Variants in TLK2 observed in about 807,000 individuals in gnomAD.
TLK2 encodes tousled like kinase 2.
TLK2 carries 6 observed loss-of-function variants against 117.3 expected under a neutral mutation model. That is an observed-to-expected ratio of 0.05 (90% CI 0.03 to 0.10). The LOEUF (loss-of-function observed/expected upper bound fraction) is 0.10, where lower values mean the gene tolerates loss of function less well. Ranked by LOEUF, TLK2 falls within the 10% of genes least tolerant of loss-of-function variation. The pLI, the probability that TLK2 is intolerant of heterozygous loss-of-function variation, is 1.00. For synonymous variants in TLK2, 257 were observed against 316.7 expected (o/e 0.81, Z 2.00); for missense variants, 299 against 901.2 (o/e 0.33, Z 8.56).
intron 15 of TLK2, 93 bp downstream of exon 15, chr17:62,580,285 G>A (rs776742023): frequency 9.1e-5 from 79 of 872,534 alleles, no homozygotes; most frequent in Non-Finnish European, 1.3e-4. Context: ...ATTGTAGGTT[G>A]ATATCCATTG....
Position 62,573,439 on chromosome 17 carries a change from G to A in TLK2, c.1121+72G>A, listed in dbSNP as rs532944271. 177 of 1,562,626 alleles carry A rather than the reference G, an allele frequency of 1.1e-4. 2 individuals are homozygous for A. The South Asian group carries it at 2.1e-3, about 18-fold the overall frequency. The stretch of plus-strand genomic sequence containing the variant: ...CAAATACAAATGTTGATTGTCACCG[G>A]CAATAGTTTTAAATTCTTGAGGTCA... On this transcript the variant is annotated intron_variant, in intron 12 of 21. Coordinates refer to ENST00000346027, the MANE Select transcript of TLK2 (RefSeq NM_006852.6).
chr17:62,562,374 C>G (rs1031410035), intron 10 of TLK2, among the ~76,000 whole-genome samples: 2 of 152,016 alleles, frequency 1.3e-5, no homozygotes, highest in African/African-American at 4.8e-5. Context: ...AAAAAACACA[C>G]AAATGAAAAT....
intron 11 of TLK2, among the ~76,000 whole-genome samples, chr17:62,568,949 C>T (rs567453343): frequency 1.3e-5 from 2 of 152,190 alleles, no homozygotes; most frequent in Admixed American, 6.5e-5. Context: ...CTTTAGGTAT[C>T]GTATACCATT....
chr17:62,607,584 C>T lies in TLK2; in HGVS notation c.1972-457C>T, dbSNP rs550230647. On this transcript the variant is annotated intron_variant, in intron 20 of 21. Coordinates refer to ENST00000346027, the MANE Select transcript of TLK2 (RefSeq NM_006852.6). ...GCATAGTTGAAGCCATTAAGTAACCCCAACTCTTTCTTTTTCCCACTCTGT... is the reference window on the plus strand; with the variant it reads ...GCATAGTTGAAGCCATTAAGTAACCTCAACTCTTTCTTTTTCCCACTCTGT... Among the ~76,000 whole-genome samples the T allele has an allele frequency of 1.5e-3, 224 of 152,180 alleles. 9 individuals are homozygous for T. In the South Asian group the frequency reaches 0.044, roughly 30 times the overall value.
At chr17:62,553,371 C>T (rs181543344) in intron 8 of TLK2, 10 of 233,192 alleles carry the variant, frequency 4.3e-5, no homozygotes, top group African/African-American at 2.1e-4. Flanking sequence ...AGTTTCATTT[C>T]TGGAGTAACG....
Position 62,504,829 on chromosome 17 carries a change from G to T in TLK2, c.82-15944G>T, listed in dbSNP as rs577780615. Among the ~76,000 whole-genome samples, 195 of 152,048 alleles carry T rather than the reference G, an allele frequency of 1.3e-3. 1 individual carries two copies. The highest frequency in any genetic ancestry group is 4.5e-3 in the African/African-American group (188 of 41,490). ...TCTTTAAAAAATGTATATATATAGT[G>T]CTAATTTTGAGTCTATTTTATTATT... On this transcript the variant is annotated intron_variant, in intron 2 of 21. Transcript: ENST00000346027.
chr17:62,609,328 C>T (rs2083557890), intron 21 of TLK2, among the ~76,000 whole-genome samples: 1 of 152,190 alleles, frequency 6.6e-6, no homozygotes, highest in Non-Finnish European at 1.5e-5. Context: ...AAGCCATCCG[C>T]CTGCCTCAGC....
chr17:62,591,110 A>G (rs987482493), intron 16 of TLK2, among the ~76,000 whole-genome samples: 1 of 152,130 alleles, frequency 6.6e-6, no homozygotes, highest in Non-Finnish European at 1.5e-5. Context: ...TTAGCTGGGC[A>G]TGGTGGCACG....
chr17:62,471,814 G>C (rs1358964815), intron 1 of TLK2, among the ~76,000 whole-genome samples: 1 of 151,258 alleles, frequency 6.6e-6, no homozygotes, highest in Non-Finnish European at 1.5e-5. Flanking sequence ...AGAGCAGGAG[G>C]GGGAGCAGTC....
chr17:62,594,083 G>A (rs900645260), intron 16 of TLK2, among the ~76,000 whole-genome samples: 1 of 150,370 alleles, frequency 6.7e-6, no homozygotes, highest in Non-Finnish European at 1.5e-5. Flanking sequence ...GTTAGCCACC[G>A]CCCCTGCTCT....
At chr17:62,540,099 CTTTTTTTT>C (rs571889873) in intron 7 of TLK2, among the ~76,000 whole-genome samples, 21 of 125,088 alleles carry the variant, frequency 1.7e-4, no homozygotes, top group Non-Finnish European at 2.9e-4. Context: ...TCTTTCTTTT[CTTTTTTTT>C]TTTTTTTTTT....
chr17:62,564,675 T>C (rs1225429549), intron 10 of TLK2, among the ~76,000 whole-genome samples: 1 of 151,132 alleles, frequency 6.6e-6, no homozygotes, highest in Non-Finnish European at 1.5e-5. Flanking sequence ...GACTCTGCAC[T>C]CCAGTCTGGG....
chr17:62,474,648 T>C (rs571492215), upstream of TLK2, among the ~76,000 whole-genome samples: 7 of 150,770 alleles, frequency 4.6e-5, no homozygotes, highest in Non-Finnish European at 7.4e-5. Context: ...GACCTCGTGA[T>C]CTGCCCGCCT....
chr17:62,583,112 G>A (rs1598745339), intron 15 of TLK2, among the ~76,000 whole-genome samples: 2 of 152,132 alleles, frequency 1.3e-5, no homozygotes, highest in South Asian at 4.2e-4. Flanking sequence ...TTTGTTTTGA[G>A]ACAGAGTCTT....
upstream of TLK2, among the ~76,000 whole-genome samples, chr17:62,476,686 G>A (rs555304498): frequency 6.6e-6 from 1 of 152,284 alleles, no homozygotes; most frequent in African/African-American, 2.4e-5. Context: ...ATAGGCCCAT[G>A]TGGCTTGTCT....
intron 16 of TLK2, among the ~76,000 whole-genome samples, chr17:62,590,784 G>T (rs1470350796): frequency 6.6e-6 from 1 of 152,118 alleles, no homozygotes; most frequent in African/African-American, 2.4e-5. Flanking sequence ...CAACAAGATG[G>T]TATTAAATCT....
chr17:62,476,738 G>A (rs1467884012), upstream of TLK2, among the ~76,000 whole-genome samples: 1 of 152,104 alleles, frequency 6.6e-6, no homozygotes, highest in Non-Finnish European at 1.5e-5. Context: ...ACTCCATTGA[G>A]TGCTTTCTCT....
chr17:62,478,759 C>CA (rs1427715595), upstream of TLK2, among the ~76,000 whole-genome samples: 2 of 18,256 alleles, frequency 1.1e-4, no homozygotes, highest in Non-Finnish European at 8.3e-4. Context: ...CAGGACCCCC[C>CA]CCGCCTCCCA....
intron 15 of TLK2, among the ~76,000 whole-genome samples, chr17:62,583,285 G>A (rs922331097): frequency 3.3e-5 from 5 of 151,970 alleles, no homozygotes; most frequent in African/African-American, 1.2e-4. Context: ...AGTAGAGACG[G>A]GATTTCACTG....
Sources: gnomAD v4.1 joint callset for allele counts (sites outside exome capture counted in the v4.1 genomes callset) on GRCh38, gnomAD v4.1.1 for gene constraint, MANE v1.5 for transcripts, NCBI Gene and HGNC (gene_info 2026-07-23, HGNC 2026-07-21) for gene names.